DSCAM: variants seen among roughly 807,000 people sequenced by gnomAD.
The protein encoded by DSCAM is DS cell adhesion molecule.
DSCAM carries 47 observed loss-of-function variants against 217.7 expected under a neutral mutation model. The observed-to-expected ratio is 0.22, with a 90% CI of 0.17 to 0.28. DSCAM has a LOEUF of 0.28. Ranked by LOEUF, DSCAM falls within the 10% of genes least tolerant of loss-of-function variation. The pLI is 1.00. For synonymous variants in DSCAM, 1,056 were observed against 1,015.3 expected (o/e 1.04, Z -0.76); for missense variants, 2,080 against 2,618.3 (o/e 0.79, Z 4.49).
At chr21:40,396,274 T>C (rs1451170801) in intron 3 of DSCAM, among the ~76,000 whole-genome samples, 3 of 152,216 alleles carry the variant, frequency 2.0e-5, no homozygotes, top group African/African-American at 7.2e-5. Flanking sequence ...AAAACTTCAC[T>C]GATTGTCAAC....
intron 3 of DSCAM, among the ~76,000 whole-genome samples, chr21:40,536,324 G>A (rs1375433146): frequency 6.7e-6 from 1 of 148,846 alleles, no homozygotes; most frequent in Non-Finnish European, 1.5e-5. Flanking sequence ...CAGAGGTGAT[G>A]TGAAACCATC....
chr21:40,291,183 G>T (rs969694137), intron 10 of DSCAM, among the ~76,000 whole-genome samples: 3 of 152,122 alleles, frequency 2.0e-5, no homozygotes, highest in Admixed American at 2.0e-4. Flanking sequence ...GAATCCATTT[G>T]TCCCTCCTCC....
intron 26 of DSCAM, 131 bp from the exon 27 acceptor site, chr21:40,075,344 T>A: frequency 1.0e-6 from 1 of 981,052 alleles, no homozygotes; most frequent in South Asian, 1.8e-5. Flanking sequence ...TGAAAAGAAC[T>A]CTGTCTCTAG....
intron 3 of DSCAM, among the ~76,000 whole-genome samples, chr21:40,508,499 A>G (rs944139272): frequency 7.9e-5 from 12 of 152,004 alleles, no homozygotes; most frequent in African/African-American, 2.7e-4. Context: ...TAAAAATGTT[A>G]ACTAAACAGT....
At chr21:40,828,119 C>G (rs192605455) in intron 1 of DSCAM, among the ~76,000 whole-genome samples, 1 of 151,994 alleles carries the variant, frequency 6.6e-6, no homozygotes. Context: ...AATGCAAGGG[C>G]AGGACTGATG....
chr21:40,700,304 C>A (rs192561115), intron 2 of DSCAM, among the ~76,000 whole-genome samples: 21 of 152,268 alleles, frequency 1.4e-4, no homozygotes, highest in African/African-American at 4.3e-4. Context: ...TCATCTTTGA[C>A]AAGTATGATG....
chr21:40,746,998 T>C (rs768115092), intron 1 of DSCAM, among the ~76,000 whole-genome samples: 50 of 151,912 alleles, frequency 3.3e-4, no homozygotes, highest in Non-Finnish European at 7.1e-4. Context: ...AAATAAAATT[T>C]AAAAATTTCT....
chr21:40,422,995 T>C (rs2075439078), intron 3 of DSCAM, among the ~76,000 whole-genome samples: 1 of 152,204 alleles, frequency 6.6e-6, no homozygotes, highest in African/African-American at 2.4e-5. Flanking sequence ...CCAATGAAAT[T>C]AGTCCTGATG....
chr21:40,286,839 A>G (rs62223767), intron 10 of DSCAM, among the ~76,000 whole-genome samples: 145,599 of 150,050 alleles, frequency 0.97, 70,574 homozygotes, highest in Non-Finnish European at 0.98. Flanking sequence ...GATCTGCAGT[A>G]TGATCTGCAG....
rs186587948 is a variant in DSCAM at position 40,840,251 on chromosome 21, C to A, written c.43+6368G>T. ...AGATAATGACAAAAAACCCATAAAT[C>A]CATAGGATGCTGAAGAAAACAGTAG... On this transcript the variant is annotated intron_variant, in intron 1 of 32. Transcript: ENST00000400454. Among the ~76,000 whole-genome samples the A allele has an allele frequency of 1.7e-4, 26 of 152,208 alleles. 1 individual carries two copies. The highest frequency in any genetic ancestry group is 6.0e-4 in the African/African-American group (25 of 41,536).
intron 32 of DSCAM, 64 bp from the exon 33 acceptor site, chr21:40,013,450 G>A: frequency 8.0e-7 from 1 of 1,255,290 alleles, no homozygotes; most frequent in Non-Finnish European, 1.1e-6. Context: ...AGAATGTCCT[G>A]TGTGCACACG....
chr21:40,591,979 G>A (rs1230785057), intron 3 of DSCAM, among the ~76,000 whole-genome samples: 2 of 152,104 alleles, frequency 1.3e-5, no homozygotes, highest in Non-Finnish European at 2.9e-5. Flanking sequence ...TCTCCCCCAT[G>A]GCCCAGCTGC....
chr21:40,033,162 G>C (rs114463109), intron 32 of DSCAM, among the ~76,000 whole-genome samples: 247 of 152,256 alleles, frequency 1.6e-3, no homozygotes, highest in African/African-American at 5.2e-3. Context: ...TTGTGCCTGG[G>C]GGGGAGGAGC....
intron 3 of DSCAM, among the ~76,000 whole-genome samples, chr21:40,547,052 A>G (rs116299736): frequency 6.0e-4 from 92 of 152,242 alleles, no homozygotes; most frequent in African/African-American, 2.1e-3. Context: ...CAGAGCAACT[A>G]AGACAGAGCC....
rs752819720 is a variant in DSCAM, at chr21:40,085,731, G to A, written c.4003C>T (p.Arg1335Trp). 20 of 1,577,474 alleles carry A rather than the reference G, an allele frequency of 1.3e-5. No homozygotes were observed. Among genetic ancestry groups the A allele is most frequent in the East Asian group, 6.8e-5 (3 of 44,176 alleles). Residue 1335 changes from arginine to tryptophan, a missense_variant, in exon 23 of 33, where the codon CGG becomes TGG. Physicochemically the swap from Arg to Trp is moderately radical, Grantham distance 101 (BLOSUM62 -3). Transcript: ENST00000400454. Reference sequence around the variant, plus strand: ...CTTCCGTTGCTAAAGATGCTCCTCCGCCCATCAATCGTTACTAGACTGGGT... The same window carrying A: ...CTTCCGTTGCTAAAGATGCTCCTCCACCCATCAATCGTTACTAGACTGGGT... ...GTPSLVTIDG[R>W]RSIFSNGSFI...
chr21:40,112,823 G>A (rs1305971955), intron 20 of DSCAM, among the ~76,000 whole-genome samples: 2 of 152,100 alleles, frequency 1.3e-5, no homozygotes, highest in Non-Finnish European at 2.9e-5. Context: ...TAGAAGAAAT[G>A]GTAAAATTCC....
intron 29 of DSCAM, among the ~76,000 whole-genome samples, chr21:40,055,508 A>G (rs777963140): frequency 4.6e-5 from 7 of 152,200 alleles, no homozygotes; most frequent in Non-Finnish European, 7.3e-5. Context: ...ACTGACTGGC[A>G]TATTGGCATA....
intron 28 of DSCAM, among the ~76,000 whole-genome samples, chr21:40,058,171 C>A (rs933697663): frequency 1.3e-5 from 2 of 151,986 alleles, no homozygotes; most frequent in Non-Finnish European, 2.9e-5. Context: ...TGCGCCTGGC[C>A]GGACTCACAG....
intron 3 of DSCAM, among the ~76,000 whole-genome samples, chr21:40,416,850 G>C (rs759083841): frequency 2.0e-4 from 31 of 152,244 alleles, no homozygotes; most frequent in Non-Finnish European, 3.8e-4. Flanking sequence ...AAACAGAAAT[G>C]TAAATAAAAT....
Sources: allele counts gnomAD v4.1 joint callset (sites outside exome capture counted in the v4.1 genomes callset), GRCh38; gene constraint gnomAD v4.1.1; transcripts MANE v1.5; gene names NCBI Gene and HGNC (gene_info 2026-07-23, HGNC 2026-07-21).